Variants in GRM1 observed in about 807,000 individuals in gnomAD.
GRM1 encodes the protein metabotropic glutamate receptor 1.
A neutral mutation model predicts 90.9 loss-of-function variants in GRM1; 33 were observed. The ratio of observed to expected loss-of-function variants is 0.36; its 90% CI spans 0.28 to 0.49. The LOEUF is 0.49. Ranked by LOEUF, GRM1 falls within the 20% of genes least tolerant of loss-of-function variation. The pLI is 0.99. For missense variants in GRM1, 1,190 were observed against 1,534.3 expected, an observed-to-expected ratio of 0.78 and a Z score of 3.75; for synonymous variants, 700 against 613.2, an observed-to-expected ratio of 1.14 and a Z score of -2.09.
intron 2 of GRM1, among the ~76,000 whole-genome samples, chr6:146,232,595 CTGTTG>C (rs1192838737): frequency 6.6e-6 from 1 of 151,920 alleles, no homozygotes; most frequent in African/African-American, 2.4e-5. Context: ...TGTAGTCACC[CTGTTG>C]TGTTATCAAA....
Position 146,257,518 on chromosome 6 carries a change from A to G in GRM1, c.951-47093A>G, listed in dbSNP as rs755339509. On this transcript the variant is annotated intron_variant, in intron 2 of 7. Transcript: ENST00000282753. ...GTGTCTGTCTGTGTAATATGTGTGT[A>G]TATATATATATATGTATAATTTATA... is the stretch of plus-strand genomic sequence containing the variant. Among the ~76,000 whole-genome samples the G allele has an allele frequency of 4.0e-3, 418 of 103,282 alleles. 1 individual carries two copies. The highest frequency in any genetic ancestry group is 0.018 in the African/African-American group (256 of 14,062). 67.8% of individuals were successfully genotyped at this position (103,282 alleles called of 152,430 possible).
chr6:146,205,535 C>T (rs996516440), intron 2 of GRM1, among the ~76,000 whole-genome samples: 31 of 152,120 alleles, frequency 2.0e-4, no homozygotes, highest in Middle Eastern at 3.4e-3. Context: ...AATTATTATG[C>T]GGAAAGTTTT....
intron 7 of GRM1, among the ~76,000 whole-genome samples, chr6:146,424,627 G>A (rs1364209852): frequency 6.6e-6 from 1 of 152,208 alleles, no homozygotes; most frequent in Admixed American, 6.5e-5. Context: ...AGGGCTCTTC[G>A]GAGGTAGAGA....
intron 1 of GRM1, among the ~76,000 whole-genome samples, chr6:146,088,482 C>T (rs192099841): frequency 2.3e-4 from 35 of 152,082 alleles, no homozygotes; most frequent in Admixed American, 2.3e-3. Context: ...AGCTGTAATC[C>T]CAGGCAAAAT....
At chr6:146,401,978 G>A (rs1406826826) in intron 7 of GRM1, among the ~76,000 whole-genome samples, 3 of 152,042 alleles carry the variant, frequency 2.0e-5, no homozygotes, top group Non-Finnish European at 2.9e-5. Context: ...CCCACACCTG[G>A]AACCACTTTC....
chr6:146,273,065 A>T (rs1157865796), intron 2 of GRM1, among the ~76,000 whole-genome samples: 2 of 152,206 alleles, frequency 1.3e-5, no homozygotes, highest in African/African-American at 4.8e-5. Flanking sequence ...GAATCCAAGA[A>T]GAATGTTGTG....
intron 1 of GRM1, among the ~76,000 whole-genome samples, chr6:146,109,519 T>G (rs993142536): frequency 1.3e-5 from 2 of 152,178 alleles, no homozygotes; most frequent in Admixed American, 1.3e-4. Context: ...GGCAGAAGTT[T>G]GCTGTAGGGA....
chr6:146,308,520 A>G (rs1280718930), intron 3 of GRM1, among the ~76,000 whole-genome samples: 2 of 152,250 alleles, frequency 1.3e-5, no homozygotes, highest in East Asian at 3.8e-4. Flanking sequence ...ACTACATCCC[A>G]GGATGTGGAA....
intron 2 of GRM1, among the ~76,000 whole-genome samples, chr6:146,200,646 C>T (rs1036621709): frequency 6.6e-6 from 1 of 152,110 alleles, no homozygotes; most frequent in Non-Finnish European, 1.5e-5. Flanking sequence ...TGTGATAGTT[C>T]AGCTGCTCTA....
intron 2 of GRM1, among the ~76,000 whole-genome samples, chr6:146,257,217 C>T (rs1374492688): frequency 1.3e-5 from 2 of 152,074 alleles, no homozygotes; most frequent in African/African-American, 4.8e-5. Context: ...TATAGGCATC[C>T]TTATTTTAAA....
chr6:146,038,150 A>T (rs974564980), intron 1 of GRM1, among the ~76,000 whole-genome samples: 2 of 151,954 alleles, frequency 1.3e-5, no homozygotes, highest in African/African-American at 4.8e-5. Context: ...AGAATTAAAC[A>T]CCTTGTTAAA....
chr6:146,102,717 ATTCT>A, intron 1 of GRM1, among the ~76,000 whole-genome samples: 1 of 152,328 alleles, frequency 6.6e-6, no homozygotes, highest in Admixed American at 6.5e-5. Flanking sequence ...TTGAAAAATA[ATTCT>A]TTCAGTTTAG....
intron 1 of GRM1, among the ~76,000 whole-genome samples, chr6:146,067,529 A>G (rs572449547): frequency 6.6e-6 from 1 of 152,274 alleles, no homozygotes; most frequent in African/African-American, 2.4e-5. Flanking sequence ...ATTAACTATT[A>G]TGCTTATCTA....
rs192460422 is a variant in GRM1 at position 146,349,963 on chromosome 6, A to T, written c.1187-2287A>T. On this transcript the variant is annotated intron_variant, in intron 3 of 7. Coordinates refer to ENST00000282753, the MANE Select transcript of GRM1 (RefSeq NM_001278064.2). ...TTAGAAGGCACCTGACTTAAGAGAGATGACACAATTTTCCTGGTTTGCCTT... is the reference window on the plus strand; with the variant it reads ...TTAGAAGGCACCTGACTTAAGAGAGTTGACACAATTTTCCTGGTTTGCCTT... 3.9e-3 allele frequency among the ~76,000 whole-genome samples: 591 copies of T among 152,332 alleles called. 2 individuals carry two copies. The highest frequency in any genetic ancestry group is 0.013 in the African/African-American group (520 of 41,570).
chr6:146,280,815 A>T (rs1782539527), intron 2 of GRM1, among the ~76,000 whole-genome samples: 1 of 151,780 alleles, frequency 6.6e-6, no homozygotes, highest in Non-Finnish European at 1.5e-5. Context: ...TTTTGTAGAG[A>T]TAGGGTCGGA....
intron 1 of GRM1, among the ~76,000 whole-genome samples, chr6:146,146,975 AC>A (rs1777134244): frequency 3.9e-5 from 6 of 152,162 alleles, no homozygotes; most frequent in African/African-American, 1.4e-4. Flanking sequence ...AAGTCCATTT[AC>A]TGGCTAAAAA....
intron 2 of GRM1, among the ~76,000 whole-genome samples, chr6:146,178,901 C>T (rs956679418): frequency 6.6e-6 from 1 of 152,140 alleles, no homozygotes; most frequent in Admixed American, 6.5e-5. Context: ...AGGAACATCC[C>T]TGTGATTTAA....
At chr6:146,426,467 G>A in intron 7 of GRM1, 1 of 1,166,500 alleles carries the variant, frequency 8.6e-7, no homozygotes, top group Non-Finnish European at 1.3e-6. Context: ...CAAGGCTCAG[G>A]GCCAGGCACT....
intron 2 of GRM1, among the ~76,000 whole-genome samples, chr6:146,175,578 T>C (rs1393907126): frequency 6.6e-6 from 1 of 152,166 alleles, no homozygotes; most frequent in Non-Finnish European, 1.5e-5. Context: ...CTACAGAAGT[T>C]AGTTTTTCCT....
Sources: allele counts gnomAD v4.1 joint callset (sites outside exome capture counted in the v4.1 genomes callset), GRCh38; gene constraint gnomAD v4.1.1; transcripts MANE v1.5; gene names NCBI Gene and HGNC (gene_info 2026-07-23, HGNC 2026-07-21).